SLC9C2: variants seen among roughly 807,000 people sequenced by gnomAD.
The protein encoded by SLC9C2 is sodium/hydrogen exchanger 11.
SLC9C2 carries 75 observed loss-of-function variants against 140.2 expected under a neutral mutation model. The ratio of observed to expected loss-of-function variants is 0.53; its 90% CI spans 0.44 to 0.65. SLC9C2 has a LOEUF of 0.65. Among genes scored for constraint, SLC9C2 ranks in the 30% least tolerant of loss-of-function variants. The pLI is 0.00. For synonymous variants in SLC9C2, 375 were observed against 420.9 expected (o/e 0.89, Z 1.34); for missense variants, 1,074 against 1,331.8 (o/e 0.81, Z 3.01).
chr1:173,589,706 A>T (rs1666049967), intron 4 of SLC9C2, among the ~76,000 whole-genome samples: 1 of 152,216 alleles, frequency 6.6e-6, no homozygotes, highest in South Asian at 2.1e-4. Context: ...AAGTAGAGGG[A>T]TGCAATCAAA....
chr1:173,535,509 GCTATTT>G (rs1275692819), intron 15 of SLC9C2, among the ~76,000 whole-genome samples: 1 of 152,096 alleles, frequency 6.6e-6, no homozygotes, highest in African/African-American at 2.4e-5. Context: ...CTACCAGTTA[GCTATTT>G]CTCACCCCTG....
At chr1:173,524,635 G>T in intron 20 of SLC9C2, 144 bp downstream of exon 20, 1 of 844,838 alleles carries the variant, frequency 1.2e-6, no homozygotes, top group Non-Finnish European at 1.8e-6. Context: ...GGCATTCGTT[G>T]TCCTTTGCAT....
chr1:173,581,224 T>C (rs1028409594), intron 7 of SLC9C2, among the ~76,000 whole-genome samples: 1 of 152,210 alleles, frequency 6.6e-6, no homozygotes, highest in African/African-American at 2.4e-5. Context: ...TGGCCACAGT[T>C]ACTACGTCTC....
In SLC9C2 at chr1:173,529,960, T is replaced by C; in HGVS notation, c.2258A>G (p.Gln753Arg). ...YSITKGYIKS[Q>R]EDAKLLIKQI... is the part of the protein sequence containing the mutation. ...TTTTATTAGAAGTTTGGCATCTTCT[T>C]GACTTTTGATATAGCCTTTTGTAAT... The change falls in exon 18 of 28, where the codon CAA (glutamine) becomes CGA (arginine). Residue 753 changes from glutamine (Q) to arginine (R), a missense_variant. Gln to Arg is a conservative substitution (Grantham distance 43). Transcript: ENST00000367714. 6.2e-7 allele frequency: 1 copy of C among 1,613,050 alleles called. No individual in the cohort carries two copies.
intron 23 of SLC9C2, among the ~76,000 whole-genome samples, chr1:173,517,168 A>G (rs1367474791): frequency 6.6e-6 from 1 of 152,130 alleles, no homozygotes; most frequent in Admixed American, 6.5e-5. Flanking sequence ...AGTTGTTTTA[A>G]AAACAAATAA....
chr1:173,537,418 C>T (rs771629721), intron 13 of SLC9C2, among the ~76,000 whole-genome samples: 3 of 151,802 alleles, frequency 2.0e-5, no homozygotes, highest in Non-Finnish European at 2.9e-5. Context: ...CAAAATTAGC[C>T]GGGCATGATG....
intron 1 of SLC9C2, among the ~76,000 whole-genome samples, chr1:173,602,337 A>G (rs1014778284): frequency 9.2e-5 from 14 of 152,178 alleles, no homozygotes; most frequent in Admixed American, 4.6e-4. Flanking sequence ...TCCAGCCCTA[A>G]TATATCTTTT....
At chr1:173,559,600 A>C (rs1424722157) in intron 9 of SLC9C2, among the ~76,000 whole-genome samples, 1 of 152,258 alleles carries the variant, frequency 6.6e-6, no homozygotes, top group Non-Finnish European at 1.5e-5. Context: ...TCTCCCATGC[A>C]GCCCTCCAAC....
chr1:173,573,235 T>C lies in SLC9C2; in HGVS notation c.993A>G (p.Glu331=). Residue 331 remains glutamate (E), a synonymous_variant, in exon 9 of 28, where the codon GAA becomes GAG. Transcript: ENST00000367714. Reference sequence around the variant, plus strand: ...TGAATATGAAAGGTATAGTGTGAAATTCATAGTGGCTGAGTTCTCCACATC... The same window carrying C: ...TGAATATGAAAGGTATAGTGTGAAACTCATAGTGGCTGAGTTCTCCACATC... ...VIGCGELSHY[E]FHTIPFIFIL... The C allele has an allele frequency of 1.3e-6, 2 of 1,585,030 alleles. No individual in the cohort carries two copies. The highest frequency in any genetic ancestry group is 1.7e-6 in the Non-Finnish European group (2 of 1,154,796).
At chr1:173,556,345 A>G (rs971899281) in intron 10 of SLC9C2, among the ~76,000 whole-genome samples, 1 of 152,152 alleles carries the variant, frequency 6.6e-6, no homozygotes, top group Non-Finnish European at 1.5e-5. Context: ...CAGCTAACCC[A>G]TGGGGAAAGG....
chr1:173,548,669 G>A lies in SLC9C2; in HGVS notation c.1298-117C>T, dbSNP rs1051612362. On this transcript the variant is annotated intron_variant, in intron 11 of 27. Coordinates refer to ENST00000367714, the MANE Select transcript of SLC9C2 (RefSeq NM_178527.4). Reference sequence around the variant, plus strand: ...TTGAGATCACCTGCAAACCAGAGTGGTTAGAGCAAGGACAATTTTTCATAC... The same window carrying A: ...TTGAGATCACCTGCAAACCAGAGTGATTAGAGCAAGGACAATTTTTCATAC... 4 of 1,087,168 alleles carry A rather than the reference G, an allele frequency of 3.7e-6. No homozygotes were observed. The African/African-American group carries it at 6.4e-5, about 17-fold the overall frequency. The allele number at this position is 1,087,168 out of a possible 1,614,324, so 67.3% of individuals were successfully genotyped here. A position where few individuals can be genotyped will look rare whatever the true frequency, so the allele number is the denominator to read the frequency against.
chr1:173,511,960 GTA>G (rs1660087289), intron 23 of SLC9C2, among the ~76,000 whole-genome samples: 1 of 152,168 alleles, frequency 6.6e-6, no homozygotes, highest in African/African-American at 2.4e-5. Context: ...TGAGGTAGTT[GTA>G]TATGTGTAGG....
chr1:173,551,645 C>T (rs945364740), intron 11 of SLC9C2, among the ~76,000 whole-genome samples: 5 of 152,040 alleles, frequency 3.3e-5, no homozygotes, highest in Non-Finnish European at 5.9e-5. Flanking sequence ...AATGTAATTG[C>T]GTTGGGGCAC....
chr1:173,554,575 T>A (rs1663544143), intron 11 of SLC9C2, among the ~76,000 whole-genome samples, 158 bp downstream of exon 11: 3 of 152,216 alleles, frequency 2.0e-5, no homozygotes. Flanking sequence ...TGAAACAATA[T>A]CCCAAGTAAT....
intron 5 of SLC9C2, among the ~76,000 whole-genome samples, chr1:173,585,630 T>G (rs1021486785): frequency 6.6e-6 from 1 of 152,034 alleles, no homozygotes; most frequent in Non-Finnish European, 1.5e-5. Flanking sequence ...ATATAAAAAT[T>G]AAGAGCCAAC....
chr1:173,558,275 T>C (rs1385457287), intron 9 of SLC9C2, among the ~76,000 whole-genome samples: 1 of 152,224 alleles, frequency 6.6e-6, no homozygotes, highest in Non-Finnish European at 1.5e-5. Flanking sequence ...ACCTATAATG[T>C]ATATAATTAT....
intron 22 of SLC9C2, among the ~76,000 whole-genome samples, chr1:173,518,236 T>G (rs1480030414): frequency 6.8e-6 from 1 of 147,422 alleles, no homozygotes; most frequent in African/African-American, 2.5e-5. Flanking sequence ...GCACTCCAGC[T>G]GGGCGACAAA....
At chr1:173,566,584 T>C (rs938039494) in intron 9 of SLC9C2, among the ~76,000 whole-genome samples, 3 of 152,084 alleles carry the variant, frequency 2.0e-5, no homozygotes, top group Non-Finnish European at 4.4e-5. Flanking sequence ...TCTCTTAGTC[T>C]AGGTAAAGGT....
Position 173,548,481 on chromosome 1 carries a change from G to A in SLC9C2, c.1369C>T (p.Gln457Ter). 1 of 1,613,746 alleles carries A rather than the reference G, an allele frequency of 6.2e-7. No individual in the cohort carries two copies. The highest frequency in any genetic ancestry group is 8.5e-7 in the Non-Finnish European group (1 of 1,179,758). ...GTTTTAAATAAAGTTATTGTGTTCT[G>A]TACTATCTCCTGTATGTGCTGAGTG... Reference protein sequence around the residue: ...NATQHIQEIVQNTITLFKTEK... With the variant: ...NATQHIQEIV Residue 457 changes from glutamine (Q) to a stop codon, truncating the protein, a stop_gained, in exon 12 of 28, where the codon CAG becomes TAG. Coordinates refer to ENST00000367714, the MANE Select transcript of SLC9C2 (RefSeq NM_178527.4). LOFTEE classifies it high-confidence loss of function.
Sources: gnomAD v4.1 joint callset for allele counts (sites outside exome capture counted in the v4.1 genomes callset) on GRCh38, gnomAD v4.1.1 for gene constraint, MANE v1.5 for transcripts, NCBI Gene and HGNC (gene_info 2026-07-23, HGNC 2026-07-21) for gene names.